MACC1: variants seen among roughly 807,000 people sequenced by gnomAD.
MACC1 encodes MET transcriptional regulator MACC1.
In MACC1, 79 loss-of-function variants were observed where a neutral mutation model predicts 70.7. The ratio of observed to expected loss-of-function variants is 1.12; its 90% CI spans 0.93 to 1.35. MACC1 has a LOEUF of 1.35. MACC1 is among the 40% of genes most tolerant of loss of function. MACC1 has a pLI of 0.00. For synonymous variants in MACC1, 361 were observed against 347.2 expected (o/e 1.04, Z -0.44); for missense variants, 1,106 against 978.1 (o/e 1.13, Z -1.74).
chr7:20,216,495 C>A (rs1762246354), intron 1 of MACC1, among the ~76,000 whole-genome samples: 1 of 151,928 alleles, frequency 6.6e-6, no homozygotes, highest in African/African-American at 2.4e-5. Context: ...ATCCATTAAA[C>A]AACTCTCATT....
In MACC1 at chr7:20,158,816, C is replaced by T. The variant is rs1428872082; in HGVS notation, c.1545G>A (p.Ser515=). ...TCTTCTGCAAATAGCCTGGCAGATTCGAGAGTCTTTTTAGGTTTGGGGTTG... is the reference window on the plus strand; with the variant it reads ...TCTTCTGCAAATAGCCTGGCAGATTTGAGAGTCTTTTTAGGTTTGGGGTTG... The part of the protein sequence containing the change: ...PDPTPNLKRL[S]NLPGYLQKKE... The change falls in exon 5 of 7, where the codon TCG becomes TCA. Residue 515 remains serine, a synonymous_variant. Coordinates refer to ENST00000400331, the MANE Select transcript of MACC1 (RefSeq NM_182762.4). 37 of 1,613,902 alleles carry T rather than the reference C, an allele frequency of 2.3e-5. No individual in the cohort carries two copies. The highest frequency in any genetic ancestry group is 2.8e-5 in the Non-Finnish European group (33 of 1,180,014).
At position 20,178,795 on chromosome 7, in the gene MACC1, TC is replaced by T. The variant is rs201343219; in HGVS notation, c.-217-8018del. Among the ~76,000 whole-genome samples, 1,106 of 152,254 alleles carry T rather than the reference TC, an allele frequency of 7.3e-3. 27 individuals are homozygous for T. Among genetic ancestry groups the T allele is most frequent in the Admixed American group, 0.038 (584 of 15,290 alleles). ...TTGTATTTTTAGTAGACATGGGGTT[TC>T]TCCATGTTGGTCAGGTTGGTCTCGA... On this transcript the variant is annotated intron_variant, in intron 1 of 6. Coordinates refer to ENST00000400331, the MANE Select transcript of MACC1 (RefSeq NM_182762.4).
At chr7:20,206,056 C>G (rs948505560) in intron 1 of MACC1, among the ~76,000 whole-genome samples, 1 of 151,846 alleles carries the variant, frequency 6.6e-6, no homozygotes, top group African/African-American at 2.4e-5. Flanking sequence ...CTCTTGAACT[C>G]CATCGTCTTT....
intron 1 of MACC1, among the ~76,000 whole-genome samples, chr7:20,216,011 C>T (rs1783064632): frequency 6.6e-6 from 1 of 152,074 alleles, no homozygotes; most frequent in Admixed American, 6.5e-5. Context: ...AGATTCTGTA[C>T]ACTACCCATG....
rs143942459 is a variant in MACC1, at chr7:20,159,164, C to T, written c.1197G>A (p.Gln399=). The T allele has an allele frequency of 3.8e-4, 610 of 1,613,896 alleles. 1 individual carries two copies. Among genetic ancestry groups the T allele is most frequent in the Non-Finnish European group, 4.8e-4 (571 of 1,180,012 alleles). Residue 399 remains glutamine, a synonymous_variant, in exon 5 of 7, where the codon CAG becomes CAA. Transcript: ENST00000400331. Reference sequence around the variant, plus strand: ...CCTTCTTAATATCAGAAATTGTAAGCTGTCCTGGCATATAATTGTGTCCAC... The same window carrying T: ...CCTTCTTAATATCAGAAATTGTAAGTTGTCCTGGCATATAATTGTGTCCAC... ...TVCGHNYMPG[Q]LTISDIKKGG... is the part of the protein sequence containing the mutation.
In MACC1 at chr7:20,141,098, AG is replaced by A. The variant is rs757558695; in HGVS notation, c.2406del (p.Tyr803ThrfsTer15). ...LYTWSAHYGN[N>X]YRDVLQDLQS... ...TGAAGGTCTTGTAACACATCTCTGT[AG>A]TTATTTCCATAGTGAGCACTCCAGG... On this transcript the variant is annotated frameshift_variant, in exon 7 of 7. Transcript: ENST00000400331. LOFTEE classifies it high-confidence loss of function. The A allele has an allele frequency of 6.2e-7, 1 of 1,613,198 alleles. No homozygotes were observed. Among genetic ancestry groups the A allele is most frequent in the Non-Finnish European group, 8.5e-7 (1 of 1,179,682 alleles).
intron 6 of MACC1, among the ~76,000 whole-genome samples, chr7:20,145,483 A>G (rs1427297635): frequency 1.3e-5 from 2 of 152,166 alleles, no homozygotes; most frequent in Non-Finnish European, 2.9e-5. Flanking sequence ...AGAAAAACAA[A>G]TTTAAAAAGT....
Position 20,140,946 on chromosome 7 carries a change from C to T in MACC1, c.2559G>A (p.Ter853=). ...VTAFSTSEEV[*] ...CCCATCAAAAACACACGCTTTGTTT[C>T]TATACTTCCTCAGAAGTGGAGAATG... Residue 853 remains the stop codon, a stop_retained_variant, in exon 7 of 7, where the codon TAG becomes TAA. Coordinates refer to ENST00000400331, the MANE Select transcript of MACC1 (RefSeq NM_182762.4). 6.2e-7 allele frequency: 1 copy of T among 1,609,462 alleles called. No individual in the cohort carries two copies. The highest frequency in any genetic ancestry group is 8.5e-7 in the Non-Finnish European group (1 of 1,176,996).
Position 20,139,102 on chromosome 7 carries a change from C to T in MACC1, c.*1844G>A, listed in dbSNP as rs2128099276. ...CAAATGGACATCTTTTATTCAGGTT[C>T]CCAAAACAAAATCCTTCTTTGGCTT... On this transcript the variant is annotated 3_prime_UTR_variant, in exon 7 of 7. Coordinates refer to ENST00000400331, the MANE Select transcript of MACC1 (RefSeq NM_182762.4). 1 of 152,262 alleles carries T rather than the reference C, an allele frequency of 6.6e-6. No homozygotes were observed. The highest frequency in any genetic ancestry group is 2.1e-4 in the South Asian group (1 of 4,818). 9.4% of individuals were successfully genotyped at this position (152,262 alleles called of 1,614,324 possible). A position where few individuals can be genotyped will look rare whatever the true frequency, so the allele number is the denominator to read the frequency against.
Position 20,138,179 on chromosome 7 carries a change from A to AAAAAAAAAAAAAAAAC in MACC1, c.*2766_*2767insGTTTTTTTTTTTTTTT, listed in dbSNP as rs1562576802. 1 of 139,352 alleles carries AAAAAAAAAAAAAAAAC rather than the reference A, an allele frequency of 7.2e-6. No individual in the cohort carries two copies. Among genetic ancestry groups the AAAAAAAAAAAAAAAAC allele is most frequent in the Non-Finnish European group, 1.6e-5 (1 of 64,302 alleles). 8.6% of individuals were successfully genotyped at this position (139,352 alleles called of 1,614,324 possible). On this transcript the variant is annotated 3_prime_UTR_variant, in exon 7 of 7. Transcript: ENST00000400331. ...AAAAAAAAAAAAAAAAAAAAAAAAA[A>AAAAAAAAAAAAAAAAC]AAATTTCCCCTGGAAGGATTTGTTA...
chr7:20,184,431 C>T (rs2128106243), intron 1 of MACC1, among the ~76,000 whole-genome samples: 1 of 152,292 alleles, frequency 6.6e-6, no homozygotes, highest in African/African-American at 2.4e-5. Flanking sequence ...TTTCTCATAT[C>T]TTCTACTCTT....
In MACC1 at chr7:20,149,594, C is replaced by T. The variant is rs560731798; in HGVS notation, c.2346+4599G>A. Among the ~76,000 whole-genome samples the T allele has an allele frequency of 5.3e-5, 8 of 152,234 alleles. No individual in the cohort carries two copies. In the South Asian group the frequency reaches 1.7e-3, roughly 32 times the overall value. On this transcript the variant is annotated intron_variant, in intron 6 of 6. Transcript: ENST00000400331. ...CAGAAGTCCAGCCAAGAATCTTAAC[C>T]TCTATGCTCTGGTAGTCACTGAAGA...
intron 4 of MACC1, 64 bp from the exon 5 acceptor site, chr7:20,160,309 A>T (rs1444127018): frequency 1.5e-5 from 22 of 1,468,298 alleles, no homozygotes; most frequent in Admixed American, 5.2e-5. Flanking sequence ...TACAATCAAG[A>T]TTAATTTTTC....
In MACC1 at chr7:20,154,399, T is replaced by C. The variant is rs543983522; in HGVS notation, c.2158-18A>G. On this transcript the variant is annotated intron_variant, in intron 5 of 6. Coordinates refer to ENST00000400331, the MANE Select transcript of MACC1 (RefSeq NM_182762.4). ...AGAAGAGCCTGCAGCAACAATTACA[T>C]GTCACAATTAAAAGCAACTAACTTG... 157 of 1,606,366 alleles carry C rather than the reference T, an allele frequency of 9.8e-5. No homozygotes were observed. In the South Asian group the frequency reaches 1.5e-3, roughly 16 times the overall value.
chr7:20,179,657 C>G (rs1583399668), intron 1 of MACC1, among the ~76,000 whole-genome samples: 1 of 151,568 alleles, frequency 6.6e-6, no homozygotes. Context: ...AAGCCCCACA[C>G]AGAAGCCAGC....
rs975495320 is a variant in MACC1 at position 20,135,471 on chromosome 7, C to G, written c.*5475G>C. ...ATTAGAGGACTTATAAAAAATCTTT[C>G]CATTTCTATAGAGATGAAGGAAATT... On this transcript the variant is annotated 3_prime_UTR_variant, in exon 7 of 7. Coordinates refer to ENST00000400331, the MANE Select transcript of MACC1 (RefSeq NM_182762.4). 52 of 152,200 alleles carry G rather than the reference C, an allele frequency of 3.4e-4. No individual in the cohort carries two copies. Among genetic ancestry groups the G allele is most frequent in the African/African-American group, 1.2e-3 (48 of 41,450 alleles). The allele number at this position is 152,200 out of a possible 1,614,324, so 9.4% of individuals were successfully genotyped here. A position where few individuals can be genotyped will look rare whatever the true frequency, so the allele number is the denominator to read the frequency against.
intron 6 of MACC1, among the ~76,000 whole-genome samples, chr7:20,152,068 G>C (rs983945762): frequency 6.6e-6 from 1 of 152,122 alleles, no homozygotes; most frequent in Non-Finnish European, 1.5e-5. Flanking sequence ...AATATTTCCA[G>C]AACAGTGTCT....
chr7:20,208,588 T>C, intron 1 of MACC1, among the ~76,000 whole-genome samples: 1 of 152,144 alleles, frequency 6.6e-6, no homozygotes, highest in Non-Finnish European at 1.5e-5. Flanking sequence ...AATTTCTAAG[T>C]GGCAAAGCAT....
Position 20,158,630 on chromosome 7 carries a change from T to C in MACC1, c.1731A>G (p.Thr577=). The part of the protein sequence containing the change: ...DYFLEYFKGD[T]IALLGEGKVK... The stretch of plus-strand genomic sequence containing the variant: ...CCTTACCTTCCCCGAGGAGAGCTAT[T>C]GTGTCCCCTTTGAAATATTCAAGGA... Residue 577 remains threonine, a synonymous_variant, in exon 5 of 7, where the codon ACA becomes ACG. Coordinates refer to ENST00000400331, the MANE Select transcript of MACC1 (RefSeq NM_182762.4). The C allele has an allele frequency of 1.2e-6, 2 of 1,614,106 alleles. No homozygotes were observed. Among genetic ancestry groups the C allele is most frequent in the South Asian group, 1.1e-5 (1 of 91,070 alleles).
Sources: allele counts gnomAD v4.1 joint callset (sites outside exome capture counted in the v4.1 genomes callset), GRCh38; gene constraint gnomAD v4.1.1; transcripts MANE v1.5; gene names NCBI Gene and HGNC (gene_info 2026-07-23, HGNC 2026-07-21).